The following HELT variants were observed in gnomAD, a reference collection of about 807,000 sequenced individuals.
The protein encoded by HELT is helt bHLH transcription factor, also known as hairy and enhancer of split-related protein HELT.
A neutral mutation model predicts 19.5 loss-of-function variants in HELT; 9 were observed. The ratio of observed to expected loss-of-function variants is 0.46; its 90% confidence interval spans 0.28 to 0.80. The LOEUF is 0.80. Ranked by LOEUF, HELT falls within the 30% of genes least tolerant of loss-of-function variation. HELT has a pLI of 0.12. For missense variants in HELT, 366 were observed against 326.3 expected (o/e 1.12, Z -0.94); for synonymous variants, 162 against 148.3 (o/e 1.09, Z -0.67).
chr4:185,019,266 C>T (rs1579158867), intron 1 of HELT, 121 bp from the exon 2 acceptor site: 1 of 1,126,590 alleles, frequency 8.9e-7, no homozygotes, highest in Non-Finnish European at 1.3e-6. Flanking sequence ...GGAGTCCCTT[C>T]CTAGAGCGAA....
chr4:185,019,571 G>C (rs1434273918), intron 2 of HELT, 80 bp downstream of exon 2: 1 of 1,548,544 alleles, frequency 6.5e-7, no homozygotes, highest in African/African-American at 1.4e-5. Context: ...CGAGCCCGCG[G>C]ACACAGAGGA....
At chr4:185,019,552 G>A in intron 2 of HELT, 61 bp downstream of exon 2, 1 of 1,556,252 alleles carries the variant, frequency 6.4e-7, no homozygotes, top group Non-Finnish European at 8.7e-7. Context: ...GCCACTCTGC[G>A]GAGACGCCCG....
chr4:185,019,551 C>A (rs1251455991), intron 2 of HELT, 60 bp downstream of exon 2: 1 of 1,554,052 alleles, frequency 6.4e-7, no homozygotes, highest in African/African-American at 1.4e-5. Context: ...GGCCACTCTG[C>A]GGAGACGCCC....
At position 185,020,845 on chromosome 4, in the gene HELT, A is replaced by G; in HGVS notation, c.*73A>G. On this transcript the variant is annotated 3_prime_UTR_variant, in exon 4 of 4. Transcript: ENST00000515777. Reference sequence around the variant, plus strand: ...GAAATGCTGTATATATTGTACACATAATGTGTAAATATTGTACCCCAAAAA... The same window carrying G: ...GAAATGCTGTATATATTGTACACATGATGTGTAAATATTGTACCCCAAAAA... The G allele has an allele frequency of 6.9e-7, 1 of 1,442,196 alleles. No individual in the cohort carries two copies. The highest frequency in any genetic ancestry group is 1.5e-5 in the South Asian group (1 of 66,786). The allele number at this position is 1,442,196 out of a possible 1,614,324, so 89.3% of individuals were successfully genotyped here.
At chr4:185,019,160 C>T in intron 1 of HELT, 2 of 1,514,864 alleles carry the variant, frequency 1.3e-6, no homozygotes, top group Non-Finnish European at 1.8e-6. Context: ...GGCTGGCGGC[C>T]ACCTCCCCAA....
At chr4:185,019,359 T>C in intron 1 of HELT, 28 bp from the exon 2 acceptor site, 1 of 1,575,334 alleles carries the variant, frequency 6.3e-7, no homozygotes, top group Non-Finnish European at 8.7e-7. Flanking sequence ...GGCAAAGCCA[T>C]CCTAAACATA....
chr4:185,019,380 T>C lies in HELT; in HGVS notation c.28-7T>C, dbSNP rs1267640555. ...GCCATCCTAAACATACAACCCTCTC[T>C]TCGCAGAGAACCCCCGTTTCTCATA... On this transcript the variant is annotated splice_polypyrimidine_tract_variant and splice_region_variant and intron_variant, in intron 1 of 3. Coordinates refer to ENST00000515777, the MANE Select transcript of HELT (RefSeq NM_001300781.2). 6.2e-7 allele frequency: 1 copy of C among 1,606,610 alleles called. No homozygotes were observed. The highest frequency in any genetic ancestry group is 1.1e-5 in the South Asian group (1 of 90,086).
intron 2 of HELT, 81 bp from the exon 3 acceptor site, chr4:185,019,666 C>A (rs750740770): frequency 1.2e-6 from 2 of 1,609,882 alleles, no homozygotes; most frequent in African/African-American, 1.3e-5. Flanking sequence ...CAGCCGCGTC[C>A]GCTCGCTGGT....
Position 185,020,504 on chromosome 4 carries a change from C to G in HELT, c.461C>G (p.Pro154Arg), listed in dbSNP as rs1579160250. 3.7e-6 allele frequency: 6 copies of G among 1,612,404 alleles called. No individual in the cohort carries two copies. In the East Asian group the frequency reaches 1.1e-4, roughly 30 times the overall value. Residue 154 changes from proline (P) to arginine (R), a missense_variant, in exon 4 of 4, where the codon CCC becomes CGC. Pro to Arg is a moderately radical substitution (Grantham distance 103). Coordinates refer to ENST00000515777, the MANE Select transcript of HELT (RefSeq NM_001300781.2). The part of the protein sequence containing the change: ...DFSYQLHPAG[P>R]EFAGHSPGEA... ...TCCTATCAGCTGCACCCTGCGGGGC[C>G]CGAATTCGCTGGTCACAGCCCGGGC...
Position 185,020,340 on chromosome 4 carries a change from G to T in HELT, c.297G>T (p.Val99=), listed in dbSNP as rs757883935. The T allele has an allele frequency of 6.2e-7, 1 of 1,614,232 alleles. No homozygotes were observed. Among genetic ancestry groups the T allele is most frequent in the South Asian group, 1.1e-5 (1 of 91,092 alleles). Residue 99 remains valine, a synonymous_variant, in exon 4 of 4, where the codon GTG becomes GTT. Coordinates refer to ENST00000515777, the MANE Select transcript of HELT (RefSeq NM_001300781.2). The part of the protein sequence containing the change: ...YGYHECMKNL[V]HYLTTVERME... Reference sequence around the variant, plus strand: ...ACCACGAGTGCATGAAGAACCTGGTGCATTACCTCACCACGGTGGAGCGGA... The same window carrying T: ...ACCACGAGTGCATGAAGAACCTGGTTCATTACCTCACCACGGTGGAGCGGA...
chr4:185,019,350 G>T (rs1367419942), intron 1 of HELT, 37 bp from the exon 2 acceptor site: 1 of 1,545,148 alleles, frequency 6.5e-7, no homozygotes, highest in African/African-American at 1.4e-5. Context: ...GACTTCCCGG[G>T]CAAAGCCATC....
In HELT at chr4:185,019,606, C is replaced by G. The variant is rs532070429; in HGVS notation, c.132+115C>G. 15 of 1,577,774 alleles carry G rather than the reference C, an allele frequency of 9.5e-6. No individual in the cohort carries two copies. The South Asian group carries it at 1.5e-4, about 16-fold the overall frequency. On this transcript the variant is annotated intron_variant, in intron 2 of 3. Transcript: ENST00000515777. The stretch of plus-strand genomic sequence containing the variant: ...ACCTCACTTGCGGGCCCCTCCCAGG[C>G]GGGGGGCCTGAGCGCAGGGCGAACC...
chr4:185,020,751 C>T lies in HELT; in HGVS notation c.708C>T (p.Pro236=), dbSNP rs140685417. ...AHPNALNLHT[P]QHPPVL Reference sequence around the variant, plus strand: ...CCAACGCCCTTAACCTGCACACGCCCCAGCACCCCCCGGTGCTCTGACGCC... The same window carrying T: ...CCAACGCCCTTAACCTGCACACGCCTCAGCACCCCCCGGTGCTCTGACGCC... Residue 236 remains proline, a synonymous_variant, in exon 4 of 4, where the codon CCC becomes CCT. Coordinates refer to ENST00000515777, the MANE Select transcript of HELT (RefSeq NM_001300781.2). 5.2e-6 allele frequency: 8 copies of T among 1,541,720 alleles called. No individual in the cohort carries two copies. Among genetic ancestry groups the T allele is most frequent in the Non-Finnish European group, 6.1e-6 (7 of 1,152,030 alleles).
At chr4:185,019,577 G>A (rs866821664) in intron 2 of HELT, 86 bp downstream of exon 2, 10 of 1,554,964 alleles carry the variant, frequency 6.4e-6, no homozygotes, top group Non-Finnish European at 8.7e-6. Context: ...CGCGGACACA[G>A]AGGACCTCAC....
chr4:185,020,143 G>T, intron 3 of HELT, 130 bp from the exon 4 acceptor site: 1 of 1,338,886 alleles, frequency 7.5e-7, no homozygotes, highest in Admixed American at 2.0e-5. Flanking sequence ...CTGCGCAGAG[G>T]AGAGGGCGGG....
In HELT at chr4:185,018,809, A is replaced by C. The variant is rs751734790; in HGVS notation, c.-120A>C. The stretch of plus-strand genomic sequence containing the variant: ...TGGAGCCCTAGATGACCGCTTTATA[A>C]GGCAGCCCTCGGAGTTGGGAGGCTG... On this transcript the variant is annotated 5_prime_UTR_variant, in exon 1 of 4. An upstream open reading frame in the 5' UTR loses its in-frame stop. Transcript: ENST00000515777. 4.9e-6 allele frequency: 5 copies of C among 1,015,966 alleles called. No homozygotes were observed. The highest frequency in any genetic ancestry group is 7.2e-6 in the Non-Finnish European group (5 of 699,272). 62.9% of individuals were successfully genotyped at this position (1,015,966 alleles called of 1,614,324 possible).
At chr4:185,020,243 T>A in intron 3 of HELT, 30 bp from the exon 4 acceptor site, 1 of 1,599,840 alleles carries the variant, frequency 6.3e-7, no homozygotes, top group Non-Finnish European at 8.5e-7. Flanking sequence ...TCAGGGTGTG[T>A]CCGTCCTACG....
chr4:185,018,681 A>AT lies in HELT; in HGVS notation c.-236dup, dbSNP rs886335585. 3.0e-3 allele frequency among the ~76,000 whole-genome samples: 444 copies of AT among 147,868 alleles called. No individual in the cohort carries two copies. The highest frequency in any genetic ancestry group is 3.9e-3 in the Non-Finnish European group (262 of 66,524). Reference sequence around the variant, plus strand: ...CCCAGCTCGCCCCCCTCGGCTGCTAATTTTTTTTTTTTCTTAACTTCTTTA... The same window carrying AT: ...CCCAGCTCGCCCCCCTCGGCTGCTAATTTTTTTTTTTTTCTTAACTTCTTTA... On this transcript the variant is annotated 5_prime_UTR_variant, in exon 1 of 4. Coordinates refer to ENST00000515777, the MANE Select transcript of HELT (RefSeq NM_001300781.2).
At position 185,018,663 on chromosome 4, in the gene HELT, C is replaced by T. The variant is rs962041715; in HGVS notation, c.-266C>T. On this transcript the variant is annotated 5_prime_UTR_variant, in exon 1 of 4. Transcript: ENST00000515777. The stretch of plus-strand genomic sequence containing the variant: ...TAACAAAGCTGATCTGCCCCCAGCT[C>T]GCCCCCCTCGGCTGCTAATTTTTTT... 1.3e-5 allele frequency among the ~76,000 whole-genome samples: 2 copies of T among 152,160 alleles called. No homozygotes were observed. Among genetic ancestry groups the T allele is most frequent in the Non-Finnish European group, 2.9e-5 (2 of 68,014 alleles).
Sources: allele counts gnomAD v4.1 joint callset (sites outside exome capture counted in the v4.1 genomes callset), GRCh38; gene constraint gnomAD v4.1.1; transcripts MANE v1.5; gene names NCBI Gene and HGNC (gene_info 2026-07-23, HGNC 2026-07-21).